Variants in MEGF8 observed in about 807,000 individuals in gnomAD.
The protein encoded by MEGF8 is multiple EGF like domains 8.
MEGF8 carries 156 observed loss-of-function variants against 302.9 expected under a neutral mutation model. That is an observed-to-expected ratio of 0.52 (90% confidence interval 0.45 to 0.59). The LOEUF is 0.59. MEGF8 is among the 20% of genes least tolerant of loss of function. MEGF8 has a pLI of 0.00. For synonymous variants in MEGF8, 1,621 were observed against 1,660.5 expected (o/e 0.98, Z 0.58); for missense variants, 3,345 against 3,964.5 (o/e 0.84, Z 4.20).
chr19:42,356,931 C>G lies in MEGF8; in HGVS notation c.4780C>G (p.Arg1594Gly). Residue 1594 changes from arginine (R) to glycine (G), a missense_variant, in exon 27 of 42, where the codon CGT becomes GGT. Transcript: ENST00000251268. The surrounding 1 kb of genome is among the most constrained non-coding windows in gnomAD (Gnocchi z 5.2). ...GGGACTTACCGCTGGAGGCGTCACC[C>G]GTGATTTCTGGGTCCTCAACCTCAC... is the stretch of plus-strand genomic sequence containing the variant. ...LGGLTAGGVT[R>G]DFWVLNLTTL... The G allele has an allele frequency of 1.2e-6, 2 of 1,610,800 alleles. No individual in the cohort carries two copies. The highest frequency in any genetic ancestry group is 1.7e-6 in the Non-Finnish European group (2 of 1,178,752).
Position 42,326,378 on chromosome 19 carries a change from G to T in MEGF8, c.135G>T (p.Thr45=). ...QVLREAPGFV[T]DGAGNYSVNG... ...TGCGGGAGGCGCCAGGCTTCGTGAC[G>T]GATGGTGCGGGCAACTACAGCGTCA... Residue 45 remains threonine (T), a synonymous_variant, in exon 1 of 42, where the codon ACG becomes ACT. Coordinates refer to ENST00000251268, the MANE Select transcript of MEGF8 (RefSeq NM_001271938.2). 1 of 1,584,834 alleles carries T rather than the reference G, an allele frequency of 6.3e-7. No homozygotes were observed. The highest frequency in any genetic ancestry group is 1.1e-5 in the South Asian group (1 of 87,102).
chr19:42,376,879 C>A lies in MEGF8; in HGVS notation c.*104C>A. The A allele has an allele frequency of 7.9e-7, 1 of 1,266,970 alleles. No homozygotes were observed. Among genetic ancestry groups the A allele is most frequent in the Non-Finnish European group, 1.0e-6 (1 of 973,352 alleles). The allele number at this position is 1,266,970 out of a possible 1,614,324, so 78.5% of individuals were successfully genotyped here. A position where few individuals can be genotyped will look rare whatever the true frequency, so the allele number is the denominator to read the frequency against. On this transcript the variant is annotated 3_prime_UTR_variant, in exon 42 of 42. Coordinates refer to ENST00000251268, the MANE Select transcript of MEGF8 (RefSeq NM_001271938.2). The surrounding 1 kb of genome is among the most constrained non-coding windows in gnomAD (Gnocchi z 8.2). Reference sequence around the variant, plus strand: ...CCCCTGGACACTGTCTACTTGGAGACCACTGGCCCCCTTCCCCCAGGGTTG... The same window carrying A: ...CCCCTGGACACTGTCTACTTGGAGAACACTGGCCCCCTTCCCCCAGGGTTG...
At position 42,361,308 on chromosome 19, in the gene MEGF8, G is replaced by A. The variant is rs137966446; in HGVS notation, c.5720+302G>A. On this transcript the variant is annotated intron_variant, in intron 32 of 41. Coordinates refer to ENST00000251268, the MANE Select transcript of MEGF8 (RefSeq NM_001271938.2). Reference sequence around the variant, plus strand: ...CCGGAAGCTGGAGGGGGTCAGCTCAGAAAGGGCTTCCCATGCCTGGCAGAG... The same window carrying A: ...CCGGAAGCTGGAGGGGGTCAGCTCAAAAAGGGCTTCCCATGCCTGGCAGAG... Among the ~76,000 whole-genome samples, 798 of 152,314 alleles carry A rather than the reference G, an allele frequency of 5.2e-3. 7 individuals are homozygous for A. The highest frequency in any genetic ancestry group is 0.041 in the Middle Eastern group (12 of 294).
At position 42,353,422 on chromosome 19, in the gene MEGF8, C is replaced by A; in HGVS notation, c.3551-43C>A. 6.3e-7 allele frequency: 1 copy of A among 1,590,952 alleles called. No individual in the cohort carries two copies. The highest frequency in any genetic ancestry group is 8.6e-7 in the Non-Finnish European group (1 of 1,169,514). Reference sequence around the variant, plus strand: ...GAGCCAGTAGGCCTGGGCCTGTTTCCACCCTTGACTTGACTCTGTCCCACC... The same window carrying A: ...GAGCCAGTAGGCCTGGGCCTGTTTCAACCCTTGACTTGACTCTGTCCCACC... On this transcript the variant is annotated intron_variant, in intron 20 of 41. Transcript: ENST00000251268. This position sits in a 1 kb window ranked among gnomAD's most constrained non-coding sequence, Gnocchi z 6.1.
chr19:42,351,217 A>G lies in MEGF8; in HGVS notation c.2738A>G (p.Asp913Gly), dbSNP rs2039366302. 1 of 1,557,496 alleles carries G rather than the reference A, an allele frequency of 6.4e-7. No homozygotes were observed. The highest frequency in any genetic ancestry group is 8.7e-7 in the Non-Finnish European group (1 of 1,150,980). The change falls in exon 16 of 42, where the codon GAC (aspartate) becomes GGC (glycine). Residue 913 changes from aspartate (D) to glycine (G), a missense_variant and splice_region_variant. By Grantham distance (94) the Asp-to-Gly change is moderately conservative (BLOSUM62 -1). Coordinates refer to ENST00000251268, the MANE Select transcript of MEGF8 (RefSeq NM_001271938.2). This position sits in a 1 kb window ranked among gnomAD's most constrained non-coding sequence, Gnocchi z 5.6. ...CTCCTCTGCCCAACTGACCCCCAGG[A>G]CCCCTTCTGTGAGTGGCATCAGAGC... is the stretch of plus-strand genomic sequence containing the variant. ...EHRDCHACTQDPFCEWHQSTS... is the reference protein window; with the variant it reads ...EHRDCHACTQGPFCEWHQSTS...
intron 32 of MEGF8, among the ~76,000 whole-genome samples, chr19:42,361,801 G>A (rs187747715): frequency 8.5e-5 from 13 of 152,262 alleles, no homozygotes; most frequent in Non-Finnish European, 1.3e-4. Context: ...GTTGGGCAAG[G>A]GGCTGCAGGG....
Position 42,376,241 on chromosome 19 carries a change from C to A in MEGF8, c.8004C>A (p.Leu2668=). 8 of 1,607,242 alleles carry A rather than the reference C, an allele frequency of 5.0e-6. No homozygotes were observed. The highest frequency in any genetic ancestry group is 6.8e-6 in the Non-Finnish European group (8 of 1,177,016). The change falls in exon 42 of 42, where the codon CTC becomes CTA. Residue 2668 remains leucine (L), a synonymous_variant. Coordinates refer to ENST00000251268, the MANE Select transcript of MEGF8 (RefSeq NM_001271938.2). This position sits in a 1 kb window ranked among gnomAD's most constrained non-coding sequence, Gnocchi z 8.2. ...CFFLFLSLCV[L]LWKAKQALDQ... ...TCCTCTTCCTCTCACTCTGTGTGCT[C>A]CTCTGGAAGGCCAAGCAGGCTCTGG...
chr19:42,368,715 G>T lies in MEGF8; in HGVS notation c.6481+53G>T. Reference sequence around the variant, plus strand: ...AGGGGCTGGCCCTTGGTTGGGGTCTGATACAGTGAACATAGGGATACTGGG... The same window carrying T: ...AGGGGCTGGCCCTTGGTTGGGGTCTTATACAGTGAACATAGGGATACTGGG... On this transcript the variant is annotated intron_variant, in intron 36 of 41. Coordinates refer to ENST00000251268, the MANE Select transcript of MEGF8 (RefSeq NM_001271938.2). This position sits in a 1 kb window ranked among gnomAD's most constrained non-coding sequence, Gnocchi z 4.9. 5 of 1,539,450 alleles carry T rather than the reference G, an allele frequency of 3.2e-6. No homozygotes were observed. The highest frequency in any genetic ancestry group is 4.4e-6 in the Non-Finnish European group (5 of 1,144,732).
rs368683081 is a variant in MEGF8 at position 42,349,590 on chromosome 19, G to A, written c.2390G>A (p.Arg797Gln). ...GCTCGCCTCTTCCCTCTGCCTGGGC[G>A]GGACCACAAGTATGCAGTAGAGATC... ...GSARLFPLPG[R>Q]DHKYAVEIQG... The change falls in exon 14 of 42, where the codon CGG becomes CAG. Residue 797 changes from arginine (R) to glutamine (Q), a missense_variant. Physicochemically the swap from Arg to Gln is conservative, Grantham distance 43 (BLOSUM62 1). Coordinates refer to ENST00000251268, the MANE Select transcript of MEGF8 (RefSeq NM_001271938.2). 14 of 1,611,654 alleles carry A rather than the reference G, an allele frequency of 8.7e-6. No individual in the cohort carries two copies. Among genetic ancestry groups the A allele is most frequent in the Middle Eastern group, 1.6e-4 (1 of 6,074 alleles).
chr19:42,370,371 G>C lies in MEGF8; in HGVS notation c.7005+12G>C. On this transcript the variant is annotated intron_variant, in intron 39 of 41. Transcript: ENST00000251268. Reference sequence around the variant, plus strand: ...TGGACCCAGAGGAGGTGAAAGAGAGGGGTCAGATGCCTGGGTCTGAGGGAG... The same window carrying C: ...TGGACCCAGAGGAGGTGAAAGAGAGCGGTCAGATGCCTGGGTCTGAGGGAG... 6.4e-7 allele frequency: 1 copy of C among 1,551,004 alleles called. No homozygotes were observed. The highest frequency in any genetic ancestry group is 8.7e-7 in the Non-Finnish European group (1 of 1,145,208).
intron 15 of MEGF8, chr19:42,350,991 C>G: frequency 1.7e-6 from 1 of 577,250 alleles, no homozygotes; most frequent in Non-Finnish European, 3.1e-6. Context: ...CCCACCCGGA[C>G]CACACAGAAG....
chr19:42,370,737 G>A lies in MEGF8; in HGVS notation c.7042G>A (p.Glu2348Lys), dbSNP rs147708727. Residue 2348 changes from glutamate (E) to lysine (K), a missense_variant, in exon 40 of 42, where the codon GAG becomes AAG. Glu to Lys is a moderately conservative substitution (Grantham distance 56, BLOSUM62 1). Transcript: ENST00000251268. ...NWVTEGPSED[E>K]AVCVNCQNNS... ...GGTGACAGAGGGTCCTAGTGAAGACGAGGCCGTGTGCGTGAACTGCCAGAA... is the reference window on the plus strand; with the variant it reads ...GGTGACAGAGGGTCCTAGTGAAGACAAGGCCGTGTGCGTGAACTGCCAGAA... 31 of 1,588,138 alleles carry A rather than the reference G, an allele frequency of 2.0e-5. 1 individual carries two copies. Among genetic ancestry groups the A allele is most frequent in the African/African-American group, 1.5e-4 (11 of 74,226 alleles).
chr19:42,349,406 G>T (rs552824536), intron 13 of MEGF8, 93 bp from the exon 14 acceptor site: 110 of 1,106,270 alleles, frequency 9.9e-5, no homozygotes, highest in Admixed American at 3.3e-4. Flanking sequence ...TTAGGAGGGG[G>T]TGGGGTACAG....
At chr19:42,331,665 G>A (rs1353665653) in intron 1 of MEGF8, among the ~76,000 whole-genome samples, 2 of 151,892 alleles carry the variant, frequency 1.3e-5, no homozygotes, top group East Asian at 1.9e-4. Flanking sequence ...TGCCTCCCGG[G>A]TTCAAGAATT....
intron 41 of MEGF8, among the ~76,000 whole-genome samples, chr19:42,372,765 T>C (rs2039710164): frequency 6.6e-6 from 1 of 151,740 alleles, no homozygotes; most frequent in Non-Finnish European, 1.5e-5. Context: ...CTCCACCTCC[T>C]GGGTTCAAGT....
intron 1 of MEGF8, among the ~76,000 whole-genome samples, chr19:42,327,424 C>A (rs1188308721): frequency 2.0e-5 from 3 of 152,160 alleles, no homozygotes; most frequent in Non-Finnish European, 2.9e-5. Context: ...AGTGCCTGAT[C>A]TGGGGCCGGG....
In MEGF8 at chr19:42,336,126, G is replaced by A. The variant is rs372990477; in HGVS notation, c.1024G>A (p.Val342Met). The A allele has an allele frequency of 5.5e-4, 879 of 1,608,380 alleles. 1 individual carries two copies. Among genetic ancestry groups the A allele is most frequent in the Non-Finnish European group, 7.1e-4 (842 of 1,178,970 alleles). ...CCTGGCAGGTCACGCGGCTGCCCTG[G>A]TGGATGATGTCTGGCTATATGTGTC... ...PGLAGHAAAL[V>M]DDVWLYVSGG... Residue 342 changes from valine (V) to methionine (M), a missense_variant, in exon 6 of 42, where the codon GTG becomes ATG. Coordinates refer to ENST00000251268, the MANE Select transcript of MEGF8 (RefSeq NM_001271938.2). This position sits in a 1 kb window ranked among gnomAD's most constrained non-coding sequence, Gnocchi z 4.8.
intron 35 of MEGF8, 58 bp downstream of exon 35, chr19:42,363,320 C>T (rs2039560132): frequency 7.0e-7 from 1 of 1,433,364 alleles, no homozygotes; most frequent in Non-Finnish European, 9.6e-7. Flanking sequence ...TCCCTCCTCT[C>T]TGCGCTGGCA....
intron 23 of MEGF8, among the ~76,000 whole-genome samples, chr19:42,355,118 G>A (rs1246400069): frequency 1.3e-5 from 2 of 152,018 alleles, no homozygotes; most frequent in African/African-American, 4.8e-5. Flanking sequence ...CACCATGCCT[G>A]GCTAATTTTT....
Sources: allele counts gnomAD v4.1 joint callset (sites outside exome capture counted in the v4.1 genomes callset), GRCh38; gene constraint gnomAD v4.1.1; non-coding constraint Gnocchi (gnomAD v3.1); transcripts MANE v1.5; gene names NCBI Gene and HGNC (gene_info 2026-07-23, HGNC 2026-07-21).